The following SLC9A6 variants were observed in gnomAD, a reference collection of about 807,000 sequenced individuals.
The protein encoded by SLC9A6 is sodium/hydrogen exchanger 6.
A neutral mutation model predicts 45.3 loss-of-function variants in SLC9A6; 6 were observed. The ratio of observed to expected loss-of-function variants is 0.13; its 90% CI spans 0.07 to 0.26. The LOEUF is 0.26. Among genes scored for constraint, SLC9A6 ranks in the 10% least tolerant of loss-of-function variants. The pLI is 1.00. For missense variants in SLC9A6, 278 were observed against 503.7 expected, an observed-to-expected ratio of 0.55 and a Z score of 4.29; for synonymous variants, 191 against 187.7, an observed-to-expected ratio of 1.02 and a Z score of -0.14.
At chrX:136,032,106 C>T (rs1055042309) in intron 15 of SLC9A6, among the ~76,000 whole-genome samples, 5 of 111,977 alleles carry the variant, frequency 4.5e-5, no homozygotes, top group African/African-American at 1.6e-4. Context: ...TTCACTCTGT[C>T]GGTCATGCTA....
rs782640388 is a variant in SLC9A6, at chrX:135,985,503, A to G, written c.-57+26A>G. 11 of 1,093,375 alleles carry G rather than the reference A, an allele frequency of 1.0e-5. No individual in the cohort carries two copies. Among genetic ancestry groups the G allele is most frequent in the Non-Finnish European group, 1.3e-5 (11 of 842,990 alleles). The allele number at this position is 1,093,375 out of a possible 1,213,427, so 90.1% of individuals were successfully genotyped here. The stretch of plus-strand genomic sequence containing the variant: ...GTAGGGGCGGGAGGCGGGGGGAGAC[A>G]TGGCTCGGCGCGGCTGGCGGCGGGC... On this transcript the variant is annotated intron_variant, in intron 1 of 17. Coordinates refer to ENST00000630721, the MANE Select transcript of SLC9A6 (RefSeq NM_001379110.1).
chrX:136,000,216 C>T (rs5929712), intron 6 of SLC9A6, among the ~76,000 whole-genome samples: 1 of 88,859 alleles, frequency 1.1e-5, no homozygotes, highest in Admixed American at 1.5e-4. Flanking sequence ...AGGCTGCAGT[C>T]TCATTCTGCC....
In SLC9A6 at chrX:135,994,673, T is replaced by C. The variant is rs1556616191; in HGVS notation, c.170-113T>C. The stretch of plus-strand genomic sequence containing the variant: ...AACTGCATTTCATCTAAAAATCAGT[T>C]CTGAGCTACAGGGAACTACCGTAAG... On this transcript the variant is annotated intron_variant, in intron 2 of 17. Coordinates refer to ENST00000630721, the MANE Select transcript of SLC9A6 (RefSeq NM_001379110.1). 4.4e-6 allele frequency: 3 copies of C among 680,675 alleles called. No homozygotes were observed. In the African/African-American group the frequency reaches 6.4e-5, roughly 15 times the overall value. 56.1% of individuals were successfully genotyped at this position (680,675 alleles called of 1,213,427 possible).
chrX:135,974,048 G>A (rs1556612994), upstream of SLC9A6: 2 of 338,129 alleles, frequency 5.9e-6, no homozygotes, highest in Non-Finnish European at 9.5e-6. Context: ...GCAGAGGGAC[G>A]GGGGCCTGCG....
rs781993737 is a variant in SLC9A6, at chrX:135,985,627, C to G, written c.-32C>G. On this transcript the variant is annotated 5_prime_UTR_variant, in exon 2 of 18. Coordinates refer to ENST00000630721, the MANE Select transcript of SLC9A6 (RefSeq NM_001379110.1). ...GTGGGCGTCTTTGACTGGGCAGGGG[C>G]TTCGGACGGCGGCGGCGGAGAGGCT... 1 of 1,209,603 alleles carries G rather than the reference C, an allele frequency of 8.3e-7. No individual in the cohort carries two copies. Among genetic ancestry groups the G allele is most frequent in the Admixed American group, 2.2e-5 (1 of 45,893 alleles).
intron 7 of SLC9A6, among the ~76,000 whole-genome samples, chrX:136,006,028 G>A (rs1035955404): frequency 8.9e-6 from 1 of 111,789 alleles, no homozygotes; most frequent in South Asian, 3.7e-4. Context: ...TTGTGTGCTC[G>A]CTGTGGGAGT....
Position 136,046,619 on chromosome X carries a change from G to A in SLC9A6, c.*1895G>A, listed in dbSNP as rs1418000645. The A allele has an allele frequency of 8.9e-6, 1 of 112,499 alleles. No homozygotes were observed. Among genetic ancestry groups the A allele is most frequent in the Admixed American group, 9.4e-5 (1 of 10,584 alleles). The allele number at this position is 112,499 out of a possible 1,213,427, so 9.3% of individuals were successfully genotyped here. On this transcript the variant is annotated 3_prime_UTR_variant, in exon 18 of 18. Transcript: ENST00000630721. ...CTTCGCATGACAAATTCAGTAACTCGTCTATTTCAGCATGCATAAGACTTT... is the reference window on the plus strand; with the variant it reads ...CTTCGCATGACAAATTCAGTAACTCATCTATTTCAGCATGCATAAGACTTT...
chrX:136,012,085 G>A (rs1207105336), intron 8 of SLC9A6, among the ~76,000 whole-genome samples: 1 of 112,175 alleles, frequency 8.9e-6, no homozygotes, highest in Non-Finnish European at 1.9e-5. Flanking sequence ...GCGAGACTCC[G>A]TCTCAAAAAA....
In SLC9A6 at chrX:135,994,992, T is replaced by A; in HGVS notation, c.369+7T>A. The A allele has an allele frequency of 8.8e-7, 1 of 1,131,856 alleles. No individual in the cohort carries two copies. Among genetic ancestry groups the A allele is most frequent in the Non-Finnish European group, 1.2e-6 (1 of 823,906 alleles). The allele number at this position is 1,131,856 out of a possible 1,213,427, so 93.3% of individuals were successfully genotyped here. The stretch of plus-strand genomic sequence containing the variant: ...TAATGAAATGCTTAGAAAGGTAAGT[T>A]CTTAAAGGAAATCTTTGAATCTTTT... On this transcript the variant is annotated splice_region_variant and intron_variant, in intron 3 of 17. Transcript: ENST00000630721.
At chrX:136,017,417 C>CA (rs1160337741) in intron 11 of SLC9A6, among the ~76,000 whole-genome samples, 168 of 72,523 alleles carry the variant, frequency 2.3e-3, no homozygotes, top group Admixed American at 4.5e-3. Flanking sequence ...GACCCTGTCT[C>CA]AAAAAAAAAA....
At chrX:136,001,209 C>T (rs1485314265) in intron 6 of SLC9A6, among the ~76,000 whole-genome samples, 5 of 107,720 alleles carry the variant, frequency 4.6e-5, no homozygotes, top group African/African-American at 1.7e-4. Flanking sequence ...TTCTGGCGGG[C>T]GCCTGTAGTC....
At chrX:135,986,823 T>G (rs1556615028) in intron 2 of SLC9A6, among the ~76,000 whole-genome samples, 1 of 111,278 alleles carries the variant, frequency 9.0e-6, no homozygotes, top group Non-Finnish European at 1.9e-5. Flanking sequence ...TATTGCCGAC[T>G]GTATTAATCT....
At chrX:135,998,615 T>C in intron 5 of SLC9A6, 57 bp downstream of exon 5, 1 of 881,011 alleles carries the variant, frequency 1.1e-6, no homozygotes. Context: ...TTTAAAATAA[T>C]ATATTTTTGA....
At chrX:136,014,422 C>T (rs185134168) in intron 10 of SLC9A6, among the ~76,000 whole-genome samples, 28 of 101,996 alleles carry the variant, frequency 2.7e-4, no homozygotes, top group African/African-American at 8.7e-4. Flanking sequence ...TGGCAGGGGG[C>T]GGTGGGGGAG....
intron 1 of SLC9A6, among the ~76,000 whole-genome samples, chrX:135,975,981 C>CAAAAAAAAAA (rs782541566): frequency 6.4e-5 from 4 of 62,411 alleles, no homozygotes; most frequent in East Asian, 5.4e-4. Flanking sequence ...TTTCTCTAAC[C>CAAAAAAAAAA]AAAAAAAAAA....
At chrX:136,035,246 G>T (rs1391606610) in intron 16 of SLC9A6, among the ~76,000 whole-genome samples, 1 of 111,722 alleles carries the variant, frequency 9.0e-6, no homozygotes. Flanking sequence ...TAAAGTACAC[G>T]AATCTTAAGT....
chrX:135,998,879 C>T lies in SLC9A6; in HGVS notation c.548C>T (p.Thr183Met), dbSNP rs782759179. 21 of 1,203,304 alleles carry T rather than the reference C, an allele frequency of 1.7e-5. No homozygotes were observed. The highest frequency in any genetic ancestry group is 3.5e-5 in the South Asian group (2 of 56,707). ...AGGTCAATAATGTATGGCTGTGTAA[C>T]GCTGATGAAGGTAACGGGACAACTT... ...VIGSIMYGCV[T>M]LMKVTGQLAG... is the part of the protein sequence containing the mutation. Residue 183 changes from threonine to methionine, a missense_variant, in exon 6 of 18, where the codon ACG (threonine) becomes ATG (methionine). This residue lies in a region of SLC9A6 where 118 missense variants were observed against 209.9 expected (regional missense o/e 0.56). Transcript: ENST00000630721.
intron 7 of SLC9A6, among the ~76,000 whole-genome samples, chrX:136,003,094 T>C (rs1309520883): frequency 9.1e-6 from 1 of 109,543 alleles, no homozygotes; most frequent in Non-Finnish European, 1.9e-5. Context: ...GTTCAAGTGA[T>C]TCTTCTGCCT....
At chrX:135,974,927 C>G (rs2089253323) in intron 1 of SLC9A6, 2 of 252,391 alleles carry the variant, frequency 7.9e-6, no homozygotes, top group Admixed American at 1.0e-4. Context: ...GTCTCTATCT[C>G]TGATCCGGGT....
Sources: gnomAD v4.1 joint callset for allele counts (sites outside exome capture counted in the v4.1 genomes callset) on GRCh38, gnomAD v4.1.1 for gene constraint, gnomAD v4.1.1 regional missense constraint, MANE v1.5 for transcripts, NCBI Gene and HGNC (gene_info 2026-07-23, HGNC 2026-07-21) for gene names.